The following SEL1L3 variants were observed in gnomAD, a reference collection of about 807,000 sequenced individuals.
The protein encoded by SEL1L3 is SEL1L family member 3.
In SEL1L3, 76 loss-of-function variants were observed where a neutral mutation model predicts 142.8. That is an observed-to-expected ratio of 0.53 (90% CI 0.44 to 0.64). The LOEUF is 0.64. Among genes scored for constraint, SEL1L3 ranks in the 30% least tolerant of loss-of-function variants. SEL1L3 has a pLI of 0.00. For synonymous variants in SEL1L3, 504 were observed against 519.6 expected (o/e 0.97, Z 0.41); for missense variants, 1,262 against 1,381.7 (o/e 0.91, Z 1.37).
chr4:25,823,317 A>G (rs1028513211), intron 6 of SEL1L3, among the ~76,000 whole-genome samples: 1 of 152,142 alleles, frequency 6.6e-6, no homozygotes, highest in Non-Finnish European at 1.5e-5. Context: ...GGAGTTCAAG[A>G]CCAGCCTGGC....
At chr4:25,835,080 T>C (rs1258341502) in intron 3 of SEL1L3, 117 bp downstream of exon 3, 8 of 1,274,320 alleles carry the variant, frequency 6.3e-6, no homozygotes, top group Middle Eastern at 2.8e-4. Flanking sequence ...TCAACATTTT[T>C]GCAAAACACC....
intron 16 of SEL1L3, among the ~76,000 whole-genome samples, chr4:25,777,117 G>A (rs575205283): frequency 6.6e-6 from 1 of 151,898 alleles, no homozygotes; most frequent in Non-Finnish European, 1.5e-5. Context: ...TGACATTTAA[G>A]AATGAAGAAA....
At chr4:25,714,490 CTTTCTTTCTTT>C in the SEL1L3 span, among the ~76,000 whole-genome samples, 6 of 78,682 alleles carry the variant, frequency 7.6e-5, no homozygotes, top group African/African-American at 4.1e-4. Context: ...CTTTCTTTCT[CTTTCTTTCTTT>C]TTCTTTCTTT....
At chr4:25,822,204 C>G in intron 6 of SEL1L3, 76 bp from the exon 7 acceptor site, 1 of 1,573,184 alleles carries the variant, frequency 6.4e-7, no homozygotes, top group Non-Finnish European at 8.7e-7. Flanking sequence ...TTTCCTAGAC[C>G]CTCCTTGACT....
At position 25,847,370 on chromosome 4, in the gene SEL1L3, TTGA is replaced by T; in HGVS notation, c.654_656del (p.His218del). The stretch of plus-strand genomic sequence containing the variant: ...AACCCATGTTCCACTCAAGGCACAC[TTGA>T]TGATCTTTGAAAGGGCGTTCAAAAG... On this transcript the variant is annotated inframe_deletion, in exon 2 of 24. Coordinates refer to ENST00000399878, the MANE Select transcript of SEL1L3 (RefSeq NM_015187.5). 6.2e-7 allele frequency: 1 copy of T among 1,614,036 alleles called. No individual in the cohort carries two copies. Among genetic ancestry groups the T allele is most frequent in the Non-Finnish European group, 8.5e-7 (1 of 1,179,902 alleles).
At chr4:25,821,617 T>C (rs1316224491) in intron 7 of SEL1L3, among the ~76,000 whole-genome samples, 1 of 152,224 alleles carries the variant, frequency 6.6e-6, no homozygotes, top group Admixed American at 6.5e-5. Flanking sequence ...AGATTTTAAT[T>C]TGCTACAGTA....
chr4:25,790,368 A>T, intron 12 of SEL1L3, 87 bp downstream of exon 12: 1 of 1,223,394 alleles, frequency 8.2e-7, no homozygotes, highest in Non-Finnish European at 1.2e-6. Context: ...ATTTTAAGCC[A>T]CTGCAGTTTG....
chr4:25,820,737 G>T (rs1714700118), intron 7 of SEL1L3, among the ~76,000 whole-genome samples: 1 of 152,152 alleles, frequency 6.6e-6, no homozygotes, highest in South Asian at 2.1e-4. Context: ...GTATGCATAT[G>T]TATATGTACT....
chr4:25,723,996 T>C, the SEL1L3 span, among the ~76,000 whole-genome samples: 1 of 152,180 alleles, frequency 6.6e-6, no homozygotes, highest in South Asian at 2.1e-4. Flanking sequence ...GGAATGAGGA[T>C]AGAAAATATT....
intron 1 of SEL1L3, among the ~76,000 whole-genome samples, chr4:25,855,493 T>C (rs1056334538): frequency 2.6e-5 from 4 of 152,146 alleles, no homozygotes; most frequent in Non-Finnish European, 5.9e-5. Flanking sequence ...CGGTGGCTCA[T>C]GCCTGTAATC....
intron 12 of SEL1L3, among the ~76,000 whole-genome samples, chr4:25,789,197 T>C (rs557295466): frequency 4.2e-4 from 64 of 152,318 alleles, no homozygotes; most frequent in African/African-American, 1.4e-3. Context: ...CATCTCGTTC[T>C]CTTCCCTTTT....
intron 2 of SEL1L3, among the ~76,000 whole-genome samples, 165 bp downstream of exon 2, chr4:25,847,128 AT>A (rs1180717320): frequency 1.3e-5 from 2 of 151,184 alleles, no homozygotes; most frequent in Non-Finnish European, 2.9e-5. Flanking sequence ...TCCCCTTTTA[AT>A]TTTTCTCCTT....
In SEL1L3 at chr4:25,818,158, A is replaced by G. The variant is rs1348084222; in HGVS notation, c.1544T>C (p.Leu515Pro). ...DKHPSLFQAL[L>P]EMDLLTVPRN... ...ATTACCGGTCAGCAGATCCATCTCC[A>G]GCAATGCCTGGAACAAGCTGGGGTG... Residue 515 changes from leucine (L) to proline (P), a missense_variant, in exon 9 of 24, where the codon CTG becomes CCG. Physicochemically the swap from Leu to Pro is moderately conservative, Grantham distance 98. Transcript: ENST00000399878. 6.2e-7 allele frequency: 1 copy of G among 1,611,708 alleles called. No homozygotes were observed. Among genetic ancestry groups the G allele is most frequent in the South Asian group, 1.1e-5 (1 of 90,276 alleles).
At chr4:25,850,546 T>C (rs1327627010) in intron 1 of SEL1L3, among the ~76,000 whole-genome samples, 1 of 152,172 alleles carries the variant, frequency 6.6e-6, no homozygotes, top group Non-Finnish European at 1.5e-5. Flanking sequence ...AAATTATAAA[T>C]GCACTCACCC....
chr4:25,743,735 A>G (rs4697607), downstream of SEL1L3, among the ~76,000 whole-genome samples: 39,015 of 152,028 alleles, frequency 0.26, 5,916 homozygotes, highest in African/African-American at 0.41. Context: ...GAGACTTTGA[A>G]TAGACTGGGA....
intron 16 of SEL1L3, chr4:25,777,820 T>C (rs1719737436): frequency 2.2e-6 from 1 of 456,102 alleles, no homozygotes; most frequent in Non-Finnish European, 4.4e-6. Flanking sequence ...AAATGTGTTA[T>C]GAAGAACAAT....
Position 25,792,954 on chromosome 4 carries a change from G to A in SEL1L3, c.1957-2380C>T, listed in dbSNP as rs143257144. Among the ~76,000 whole-genome samples the A allele has an allele frequency of 2.5e-3, 375 of 152,264 alleles. 1 individual carries two copies. Among genetic ancestry groups the A allele is most frequent in the African/African-American group, 8.4e-3 (350 of 41,548 alleles). On this transcript the variant is annotated intron_variant, in intron 11 of 23. Coordinates refer to ENST00000399878, the MANE Select transcript of SEL1L3 (RefSeq NM_015187.5). ...ACACAGTTCCTACCCTGCAGTGATT[G>A]ATATTCTTAGGTCTTTCTGTCAGTG...
chr4:25,767,394 G>A (rs1718818914), intron 19 of SEL1L3, 131 bp downstream of exon 19: 2 of 645,446 alleles, frequency 3.1e-6, no homozygotes, highest in South Asian at 3.9e-5. Context: ...GATCTTAATA[G>A]CAGAGATTTT....
intron 2 of SEL1L3, among the ~76,000 whole-genome samples, chr4:25,840,316 T>A (rs185768916): frequency 1.4e-3 from 216 of 152,348 alleles, no homozygotes; most frequent in African/African-American, 5.0e-3. Flanking sequence ...CTGTTTTTTT[T>A]AATGCCAAAT....
Sources: allele counts gnomAD v4.1 joint callset (sites outside exome capture counted in the v4.1 genomes callset), GRCh38; gene constraint gnomAD v4.1.1; transcripts MANE v1.5; gene names NCBI Gene and HGNC (gene_info 2026-07-23, HGNC 2026-07-21).